The following BAIAP2L1 variants were observed in gnomAD, a reference collection of about 807,000 sequenced individuals.
The protein encoded by BAIAP2L1 is BAR/IMD domain-containing adapter protein 2-like 1.
Under a neutral mutation model 66.3 loss-of-function variants are expected in BAIAP2L1, and 35 were observed. The ratio of observed to expected loss-of-function variants is 0.53; its 90% CI spans 0.40 to 0.70. The LOEUF is 0.70. BAIAP2L1 is among the 30% of genes least tolerant of loss of function. The pLI, the probability that BAIAP2L1 is intolerant of heterozygous loss-of-function variation, is 0.00. For missense variants in BAIAP2L1, 622 were observed against 656.9 expected (o/e 0.95, Z 0.58); for synonymous variants, 269 against 248.7 (o/e 1.08, Z -0.77).
At chr7:98,314,202 C>G (rs929901556) in intron 7 of BAIAP2L1, among the ~76,000 whole-genome samples, 7 of 151,720 alleles carry the variant, frequency 4.6e-5, no homozygotes, top group Admixed American at 4.6e-4. Context: ...AGGCTGGTCT[C>G]AAACTCCTGA....
chr7:98,356,584 C>T (rs943775714), intron 2 of BAIAP2L1, among the ~76,000 whole-genome samples: 5 of 150,216 alleles, frequency 3.3e-5, no homozygotes, highest in Admixed American at 2.7e-4. Context: ...GCAGCCTTGA[C>T]CTCCTGGGCT....
Position 98,375,566 on chromosome 7 carries a change from A to G in BAIAP2L1, c.52-13134T>C, listed in dbSNP as rs1207173124. Among the ~76,000 whole-genome samples, 9 of 151,694 alleles carry G rather than the reference A, an allele frequency of 5.9e-5. No individual in the cohort carries two copies. In the East Asian group the frequency reaches 1.7e-3, roughly 29 times the overall value. On this transcript the variant is annotated intron_variant, in intron 1 of 13. Transcript: ENST00000005260. ...GGAGTTCGAGACCAGCCTGACCAAT[A>G]TGGAGAAACCCCATCTCTACTAAAA... is the stretch of plus-strand genomic sequence containing the variant.
At chr7:98,357,049 ATTTTTTTT>A (rs750965128) in intron 2 of BAIAP2L1, among the ~76,000 whole-genome samples, 29 of 12,612 alleles carry the variant, frequency 2.3e-3, no homozygotes, top group Admixed American at 5.3e-3. Context: ...ATATATATAT[ATTTTTTTT>A]TTTTTTTTTT....
intron 12 of BAIAP2L1, among the ~76,000 whole-genome samples, chr7:98,299,448 G>A (rs554291184): frequency 7.9e-5 from 12 of 152,228 alleles, no homozygotes; most frequent in African/African-American, 1.9e-4. Context: ...GTGAGCCACC[G>A]TGCCCGGCAG....
intron 1 of BAIAP2L1, among the ~76,000 whole-genome samples, chr7:98,378,677 G>A (rs1434900402): frequency 2.6e-5 from 4 of 151,818 alleles, no homozygotes; most frequent in Non-Finnish European, 5.9e-5. Context: ...GCTCTGTCGC[G>A]CAGCCTGGAG....
At chr7:98,387,718 T>A (rs2115829803) in intron 1 of BAIAP2L1, among the ~76,000 whole-genome samples, 1 of 145,580 alleles carries the variant, frequency 6.9e-6, no homozygotes, top group Non-Finnish European at 1.5e-5. Context: ...AAAAAAAAAA[T>A]TAGCTGGGCG....
intron 3 of BAIAP2L1, among the ~76,000 whole-genome samples, chr7:98,331,780 T>C (rs370030436): frequency 1.3e-5 from 2 of 152,272 alleles, no homozygotes; most frequent in East Asian, 1.9e-4. Context: ...AGAAAAATCT[T>C]AAAAGCCAGA....
At chr7:98,348,557 ACT>A (rs544205591) in intron 3 of BAIAP2L1, among the ~76,000 whole-genome samples, 87 of 146,752 alleles carry the variant, frequency 5.9e-4, no homozygotes, top group African/African-American at 2.2e-3. Context: ...ACAGAGTGAG[ACT>A]CTGCCTCCAC....
intron 2 of BAIAP2L1, among the ~76,000 whole-genome samples, chr7:98,356,665 TAAAAAA>T (rs35660519): frequency 9.4e-6 from 1 of 106,778 alleles, no homozygotes; most frequent in South Asian, 3.5e-4. Context: ...CCTGGCTAAT[TAAAAAA>T]AAAAAAAAAA....
intron 12 of BAIAP2L1, among the ~76,000 whole-genome samples, chr7:98,298,087 T>G (rs1800264512): frequency 6.6e-6 from 1 of 152,136 alleles, no homozygotes; most frequent in African/African-American, 2.4e-5. Flanking sequence ...CTTAAAGAGA[T>G]ATCACGTGAC....
intron 3 of BAIAP2L1, among the ~76,000 whole-genome samples, chr7:98,338,570 A>G (rs1801664513): frequency 6.6e-6 from 1 of 152,212 alleles, no homozygotes; most frequent in Non-Finnish European, 1.5e-5. Context: ...CATATAAACA[A>G]AATCATACAA....
chr7:98,390,760 C>G (rs1803018783), intron 1 of BAIAP2L1, among the ~76,000 whole-genome samples: 1 of 151,936 alleles, frequency 6.6e-6, no homozygotes, highest in Non-Finnish European at 1.5e-5. Flanking sequence ...AAACCAAAAA[C>G]TCCTGCCCTA....
chr7:98,376,448 TCA>T (rs1243000912), intron 1 of BAIAP2L1, among the ~76,000 whole-genome samples: 1 of 151,530 alleles, frequency 6.6e-6, no homozygotes, highest in Non-Finnish European at 1.5e-5. Flanking sequence ...GAGGTCGAGG[TCA>T]CAGCGAGCCA....
intron 3 of BAIAP2L1, among the ~76,000 whole-genome samples, chr7:98,349,004 G>A (rs1183864316): frequency 1.3e-5 from 2 of 152,246 alleles, no homozygotes; most frequent in African/African-American, 4.8e-5. Context: ...GCCTGGGCGG[G>A]GTGAGCTCTG....
intron 3 of BAIAP2L1, among the ~76,000 whole-genome samples, chr7:98,332,809 C>CAAAAA (rs55756451): frequency 7.2e-4 from 60 of 83,614 alleles, no homozygotes; most frequent in South Asian, 9.1e-4. Flanking sequence ...ACTTCGTCCC[C>CAAAAA]AAAAAAAAAA....
intron 12 of BAIAP2L1, 130 bp downstream of exon 12, chr7:98,304,066 C>T: frequency 1.0e-6 from 1 of 973,174 alleles, no homozygotes; most frequent in Non-Finnish European, 1.4e-6. Flanking sequence ...GTCCCCTCCT[C>T]CCTCCTCCCC....
rs201376009 is a variant in BAIAP2L1 at position 98,362,358 on chromosome 7, G to A, written c.126C>T (p.Asn42=). 61 of 1,604,690 alleles carry A rather than the reference G, an allele frequency of 3.8e-5. No homozygotes were observed. In the African/African-American group the frequency reaches 4.3e-4, roughly 11 times the overall value. ...NLGKNYEKAV[N]AMILAGKAYY... ...ATCAATTCAGAAAAACAGACTTACC[G>A]TTTACAGCTTTCTCATAATTTTTCC... is the stretch of plus-strand genomic sequence containing the variant. The change falls in exon 2 of 14, where the codon AAC becomes AAT. Residue 42 remains asparagine, a splice_region_variant and synonymous_variant. Transcript: ENST00000005260.
At chr7:98,369,151 T>C (rs1317754223) in intron 1 of BAIAP2L1, among the ~76,000 whole-genome samples, 1 of 152,066 alleles carries the variant, frequency 6.6e-6, no homozygotes, top group Admixed American at 6.6e-5. Flanking sequence ...ACACAGCTAC[T>C]TTCTAATTAA....
rs146234480 is a variant in BAIAP2L1, at chr7:98,312,138, C to T, written c.766G>A (p.Gly256Arg). The T allele has an allele frequency of 2.4e-5, 39 of 1,613,618 alleles. No homozygotes were observed. In the African/African-American group the frequency reaches 5.1e-4, roughly 21 times the overall value. ...ATCATGGGTGAAGCCTGAGGAGTTCCAGACACGGGGGTAGAGGCTGGGGTC... is the reference window on the plus strand; with the variant it reads ...ATCATGGGTGAAGCCTGAGGAGTTCTAGACACGGGGGTAGAGGCTGGGGTC... ...IKTPASTPVS[G>R]TPQASPMIER... The change falls in exon 8 of 14, where the codon GGA becomes AGA. Residue 256 changes from glycine to arginine, a missense_variant. Physicochemically the swap from Gly to Arg is moderately radical, Grantham distance 125 (BLOSUM62 -2). Coordinates refer to ENST00000005260, the MANE Select transcript of BAIAP2L1 (RefSeq NM_018842.5).
Sources: gnomAD v4.1 joint callset for allele counts (sites outside exome capture counted in the v4.1 genomes callset) on GRCh38, gnomAD v4.1.1 for gene constraint, MANE v1.5 for transcripts, NCBI Gene and HGNC (gene_info 2026-07-23, HGNC 2026-07-21) for gene names.